Variants in NAV3 observed in about 807,000 individuals in gnomAD.
NAV3 encodes the protein pore membrane and/or filament interacting like protein 1.
Under a neutral mutation model 244.7 loss-of-function variants are expected in NAV3, and 87 were observed. That is an observed-to-expected ratio of 0.36 (90% CI 0.30 to 0.42). The LOEUF is 0.42. Ranked by LOEUF, NAV3 falls within the 20% of genes least tolerant of loss-of-function variation. The probability of loss-of-function intolerance (pLI) is 1.00; values close to 1 mark genes in which losing one functional copy is unlikely to be tolerated. For synonymous variants in NAV3, 1,126 were observed against 1,042.2 expected, an observed-to-expected ratio of 1.08 and a Z score of -1.55; for missense variants, 2,663 against 2,893.3, an observed-to-expected ratio of 0.92 and a Z score of 1.83.
intron 30 of NAV3, among the ~76,000 whole-genome samples, chr12:78,182,598 GAT>G (rs1456225896): frequency 6.6e-6 from 1 of 151,770 alleles, no homozygotes; most frequent in Non-Finnish European, 1.5e-5. Context: ...AACTCATAAA[GAT>G]AAATATAAAA....
intron 2 of NAV3, among the ~76,000 whole-genome samples, chr12:77,711,956 C>T (rs1382580754): frequency 6.6e-6 from 1 of 152,150 alleles, no homozygotes; most frequent in East Asian, 1.9e-4. Context: ...ACTCACTATG[C>T]TTTTTCTCTT....
chr12:77,987,692 A>G (rs1239774449), intron 5 of NAV3, among the ~76,000 whole-genome samples: 4 of 152,194 alleles, frequency 2.6e-5, no homozygotes, highest in Non-Finnish European at 4.4e-5. Flanking sequence ...GCCCTGGAGA[A>G]CAACGCAGTC....
chr12:77,788,037 A>T (rs934057285), intron 2 of NAV3, among the ~76,000 whole-genome samples: 7 of 152,216 alleles, frequency 4.6e-5, no homozygotes, highest in Non-Finnish European at 1.0e-4. Context: ...GTGCTGGATT[A>T]CCAGTGTTGG....
At chr12:77,685,645 T>C (rs1175831588) in intron 2 of NAV3, among the ~76,000 whole-genome samples, 4 of 152,150 alleles carry the variant, frequency 2.6e-5, no homozygotes, top group Admixed American at 1.3e-4. Context: ...GATTCTCATC[T>C]CCACCCAGCA....
chr12:77,892,624 C>T (rs1407974585), intron 1 of NAV3, among the ~76,000 whole-genome samples: 2 of 152,056 alleles, frequency 1.3e-5, no homozygotes, highest in East Asian at 3.9e-4. Context: ...ACGGTGTTAG[C>T]CGGGATGGTC....
At chr12:78,063,892 G>A (rs1042306697) in intron 12 of NAV3, among the ~76,000 whole-genome samples, 2 of 152,120 alleles carry the variant, frequency 1.3e-5, no homozygotes, top group East Asian at 1.9e-4. Flanking sequence ...CAAAGGACCT[G>A]GGGGCCATAC....
chr12:77,574,900 G>A (rs1182178780), intron 2 of NAV3, among the ~76,000 whole-genome samples: 1 of 151,806 alleles, frequency 6.6e-6, no homozygotes, highest in East Asian at 1.9e-4. Flanking sequence ...TTCATAGGGT[G>A]CTTATCATAT....
At chr12:77,645,269 A>T (rs1872563787) in intron 2 of NAV3, among the ~76,000 whole-genome samples, 1 of 150,546 alleles carries the variant, frequency 6.6e-6, no homozygotes, top group Non-Finnish European at 1.5e-5. Flanking sequence ...AAATCTTATG[A>T]TTTTTTTTTT....
chr12:77,924,214 T>G lies in NAV3; in HGVS notation c.244-16105T>G, dbSNP rs932182910. ...ACACATTTTCATTATGTGGCCTCAT[T>G]GTTTTACCTGGATATATCCCAGGTG... On this transcript the variant is annotated intron_variant, in intron 1 of 39. Transcript: ENST00000397909. Among the ~76,000 whole-genome samples, 7 of 152,174 alleles carry G rather than the reference T, an allele frequency of 4.6e-5. 1 individual carries two copies. Among genetic ancestry groups the G allele is most frequent in the African/African-American group, 1.7e-4 (7 of 41,442 alleles).
chr12:77,789,620 G>A (rs1190500982), intron 2 of NAV3, among the ~76,000 whole-genome samples: 1 of 151,736 alleles, frequency 6.6e-6, no homozygotes. Flanking sequence ...GACCAGCCTG[G>A]CCAACATGAT....
chr12:77,924,527 A>G (rs1164511600), intron 1 of NAV3, among the ~76,000 whole-genome samples: 1 of 152,176 alleles, frequency 6.6e-6, no homozygotes, highest in East Asian at 1.9e-4. Flanking sequence ...AGGCAGCTGG[A>G]AGTGTATCCC....
intron 2 of NAV3, among the ~76,000 whole-genome samples, chr12:77,682,927 T>C (rs1028256903): frequency 6.6e-6 from 1 of 152,140 alleles, no homozygotes; most frequent in East Asian, 1.9e-4. Flanking sequence ...TGTTATCAAG[T>C]CTATGACCTG....
chr12:78,083,043 A>C (rs1271444968), intron 12 of NAV3, among the ~76,000 whole-genome samples: 1 of 152,210 alleles, frequency 6.6e-6, no homozygotes, highest in African/African-American at 2.4e-5. Context: ...TGAATAATTT[A>C]TAAGGAAAAG....
At chr12:78,089,297 T>C (rs1034545539) in intron 12 of NAV3, among the ~76,000 whole-genome samples, 1 of 152,136 alleles carries the variant, frequency 6.6e-6, no homozygotes, top group Non-Finnish European at 1.5e-5. Flanking sequence ...AAAAAATACA[T>C]GATAAACCAT....
intron 2 of NAV3, among the ~76,000 whole-genome samples, chr12:77,758,343 T>A (rs1565801716): frequency 6.6e-6 from 1 of 152,192 alleles, no homozygotes; most frequent in Non-Finnish European, 1.5e-5. Flanking sequence ...AGAGACTATT[T>A]TGTTCATTGT....
chr12:78,062,388 G>C (rs1175630303), intron 12 of NAV3, among the ~76,000 whole-genome samples: 1 of 152,062 alleles, frequency 6.6e-6, no homozygotes, highest in Non-Finnish European at 1.5e-5. Context: ...TGTATCATGA[G>C]ACAATAGTAG....
chr12:77,862,013 G>T (rs865806456), intron 1 of NAV3, among the ~76,000 whole-genome samples: 1 of 151,636 alleles, frequency 6.6e-6, no homozygotes, highest in African/African-American at 2.4e-5. Flanking sequence ...ACACACACAT[G>T]AATATACTTT....
chr12:77,958,167 T>C (rs1050741740), intron 3 of NAV3, among the ~76,000 whole-genome samples: 2 of 152,186 alleles, frequency 1.3e-5, no homozygotes, highest in African/African-American at 4.8e-5. Context: ...ATTTAGCAAG[T>C]ATGTAAGGGT....
At chr12:78,048,700 G>A (rs1339831284) in intron 9 of NAV3, among the ~76,000 whole-genome samples, 1 of 152,228 alleles carries the variant, frequency 6.6e-6, no homozygotes, top group African/African-American at 2.4e-5. Context: ...GGGGGTCAGG[G>A]ACCCACTTGA....
Sources: gnomAD v4.1 joint callset for allele counts (sites outside exome capture counted in the v4.1 genomes callset) on GRCh38, gnomAD v4.1.1 for gene constraint, MANE v1.5 for transcripts, NCBI Gene and HGNC (gene_info 2026-07-23, HGNC 2026-07-21) for gene names.